Variants in SOAT1 observed in about 807,000 individuals in gnomAD.
The protein encoded by SOAT1 is acyl-coenzyme A:cholesterol acyltransferase 1.
SOAT1 carries 55 observed loss-of-function variants against 69.5 expected under a neutral mutation model. The ratio of observed to expected loss-of-function variants is 0.79; its 90% confidence interval spans 0.64 to 0.99. SOAT1 has a LOEUF of 0.99. SOAT1 is among the 50% of genes least tolerant of loss of function. The pLI is 0.00. For synonymous variants in SOAT1, 231 were observed against 224.7 expected (o/e 1.03, Z -0.25); for missense variants, 580 against 669.3 (o/e 0.87, Z 1.47).
intron 2 of SOAT1, among the ~76,000 whole-genome samples, chr1:179,312,373 C>T (rs1020695823): frequency 2.0e-5 from 3 of 152,088 alleles, no homozygotes; most frequent in African/African-American, 4.8e-5. Flanking sequence ...TTAGTAAGTC[C>T]GTGCTGGTTA....
chr1:179,320,053 A>G (rs1665542090), intron 2 of SOAT1, among the ~76,000 whole-genome samples: 1 of 152,202 alleles, frequency 6.6e-6, no homozygotes. Context: ...TTTGTAGCAC[A>G]AAAGTGACTT....
intron 3 of SOAT1, among the ~76,000 whole-genome samples, chr1:179,324,456 T>C (rs1442780280): frequency 2.6e-5 from 4 of 152,248 alleles, no homozygotes; most frequent in Admixed American, 2.6e-4. Context: ...CCTCCTTCCA[T>C]CATCCTGTAG....
Position 179,323,483 on chromosome 1 carries a change from A to AGCAGAG in SOAT1, c.175_177+3dup. ...TGATAGCAAAGAAGATAAAGTTGACAGCAGAGGCAGAGGCAAGTAACTCCC... is the reference window on the plus strand; with the variant it reads ...TGATAGCAAAGAAGATAAAGTTGACAGCAGAGGCAGAGGCAGAGGCAAGTAACTCCC... On this transcript the variant is annotated inframe_insertion, in exon 3 of 16. Coordinates refer to ENST00000367619, the MANE Select transcript of SOAT1 (RefSeq NM_003101.6). 1.9e-6 allele frequency: 3 copies of AGCAGAG among 1,613,806 alleles called. No individual in the cohort carries two copies. The highest frequency in any genetic ancestry group is 2.5e-6 in the Non-Finnish European group (3 of 1,179,864).
chr1:179,334,497 T>A (rs1177833364), intron 3 of SOAT1, among the ~76,000 whole-genome samples: 3 of 152,244 alleles, frequency 2.0e-5, no homozygotes, highest in East Asian at 1.9e-4. Context: ...AGTCAAGAAC[T>A]TTGTGAAATT....
intron 3 of SOAT1, among the ~76,000 whole-genome samples, chr1:179,328,747 A>C (rs913874374): frequency 1.3e-5 from 2 of 152,194 alleles, no homozygotes; most frequent in South Asian, 4.1e-4. Context: ...TCTCCTTCTT[A>C]AAAATACATT....
intron 4 of SOAT1, among the ~76,000 whole-genome samples, chr1:179,337,129 T>G (rs769429541): frequency 6.6e-6 from 1 of 152,232 alleles, no homozygotes; most frequent in Non-Finnish European, 1.5e-5. Flanking sequence ...TATCAAAGGC[T>G]AATATGTGTT....
chr1:179,311,471 C>T (rs1000809426), intron 2 of SOAT1, among the ~76,000 whole-genome samples: 5 of 151,914 alleles, frequency 3.3e-5, no homozygotes, highest in African/African-American at 1.2e-4. Context: ...TATTGGCTAG[C>T]AAGAAAACAA....
intron 3 of SOAT1, among the ~76,000 whole-genome samples, chr1:179,329,112 T>C (rs1029282140): frequency 6.6e-6 from 1 of 151,950 alleles, no homozygotes; most frequent in Non-Finnish European, 1.5e-5. Context: ...TCAAATATTG[T>C]TTTTTCACAT....
intron 13 of SOAT1, among the ~76,000 whole-genome samples, chr1:179,349,266 GC>G (rs1666639933): frequency 6.6e-6 from 1 of 151,270 alleles, no homozygotes; most frequent in South Asian, 2.1e-4. Flanking sequence ...GAGTCTTGTT[GC>G]CAACAAATAA....
chr1:179,333,157 G>T (rs1014288695), intron 3 of SOAT1, among the ~76,000 whole-genome samples: 4 of 152,110 alleles, frequency 2.6e-5, no homozygotes, highest in African/African-American at 9.7e-5. Context: ...TTCCTCATAG[G>T]TTAGCTCAGA....
intron 6 of SOAT1, 133 bp from the exon 7 acceptor site, chr1:179,340,895 A>G: frequency 1.4e-6 from 1 of 704,382 alleles, no homozygotes; most frequent in Non-Finnish European, 2.4e-6. Flanking sequence ...TATTACATCC[A>G]TGACTTCAGC....
At chr1:179,326,561 T>C (rs1350543917) in intron 3 of SOAT1, among the ~76,000 whole-genome samples, 1 of 36,652 alleles carries the variant, frequency 2.7e-5, no homozygotes, top group African/African-American at 6.6e-5. Context: ...TTTTTTTTTT[T>C]TTTTTTTTTT....
rs1553248878 is a variant in SOAT1, at chr1:179,353,209, A to ATATATATATATTTTTCCAGAAGTATT, written c.1597-365_1597-364insTTTTCCAGAAGTATTTATATATATAT. On this transcript the variant is annotated intron_variant, in intron 15 of 15. Transcript: ENST00000367619. ...AAATCTAAATGGTGGTTATATATAA[A>ATATATATATATTTTTCCAGAAGTATT]TATATATATATATATCTATTTGTCG... Among the ~76,000 whole-genome samples the ATATATATATATTTTTCCAGAAGTATT allele has an allele frequency of 3.6e-5, 2 of 55,508 alleles. 1 individual carries two copies. The highest frequency in any genetic ancestry group is 1.4e-4 in the African/African-American group (2 of 13,820). The allele number at this position is 55,508 out of a possible 152,430, so 36.4% of individuals were successfully genotyped here.
intron 14 of SOAT1, 31 bp from the exon 15 acceptor site, chr1:179,351,286 G>C (rs1184597343): frequency 1.2e-6 from 2 of 1,606,264 alleles, no homozygotes; most frequent in East Asian, 4.5e-5. Flanking sequence ...TCTGATAACT[G>C]TATATTTCTT....
Position 179,350,361 on chromosome 1 carries a change from C to T in SOAT1, c.1380C>T (p.His460=), listed in dbSNP as rs754865971. 14 of 1,613,844 alleles carry T rather than the reference C, an allele frequency of 8.7e-6. No individual in the cohort carries two copies. The highest frequency in any genetic ancestry group is 1.6e-4 in the Middle Eastern group (1 of 6,082). Residue 460 remains histidine (H), a synonymous_variant, in exon 14 of 16, where the codon CAC becomes CAT. Coordinates refer to ENST00000367619, the MANE Select transcript of SOAT1 (RefSeq NM_003101.6). ...TCTTTGCTGTATCTGCTGTAGTACA[C>T]GAATATGCCTTGGCTGTTTGCTTGA... is the stretch of plus-strand genomic sequence containing the variant. ...LAVFAVSAVV[H]EYALAVCLSF...
At chr1:179,328,990 G>A (rs953645379) in intron 3 of SOAT1, among the ~76,000 whole-genome samples, 5 of 149,894 alleles carry the variant, frequency 3.3e-5, no homozygotes, top group Admixed American at 2.0e-4. Flanking sequence ...AGGTTGCAAT[G>A]AGCTGAGATG....
At chr1:179,333,321 C>G (rs1666032185) in intron 3 of SOAT1, among the ~76,000 whole-genome samples, 2 of 151,898 alleles carry the variant, frequency 1.3e-5, no homozygotes, top group South Asian at 4.1e-4. Context: ...GGGAAAACAC[C>G]TGTACAACCT....
intron 2 of SOAT1, among the ~76,000 whole-genome samples, chr1:179,307,744 A>G (rs1665056525): frequency 6.6e-6 from 1 of 151,912 alleles, no homozygotes; most frequent in Non-Finnish European, 1.5e-5. Flanking sequence ...GATAGCAAAT[A>G]TGAAAGCACT....
At position 179,344,352 on chromosome 1, in the gene SOAT1, G is replaced by GTTTTTTTTTTTTTTTTTT. The variant is rs762911049; in HGVS notation, c.988-595_988-594insTTTTTTTTTTTTTTTTTT. On this transcript the variant is annotated intron_variant, in intron 10 of 15. Transcript: ENST00000367619. ...TATGAAGTAAGTTCTTTCATTAAGG[G>GTTTTTTTTTTTTTTTTTT]GTTTTTTTTTTTTTTTTTTTTTTTT... Among the ~76,000 whole-genome samples the GTTTTTTTTTTTTTTTTTT allele has an allele frequency of 1.1e-4, 13 of 120,560 alleles. 5 individuals are homozygous for GTTTTTTTTTTTTTTTTTT. Among genetic ancestry groups the GTTTTTTTTTTTTTTTTTT allele is most frequent in the Middle Eastern group, 8.8e-3 (2 of 228 alleles). 79.1% of individuals were successfully genotyped at this position (120,560 alleles called of 152,430 possible). A position where few individuals can be genotyped will look rare whatever the true frequency, so the allele number is the denominator to read the frequency against.
Sources: allele counts gnomAD v4.1 joint callset (sites outside exome capture counted in the v4.1 genomes callset), GRCh38; gene constraint gnomAD v4.1.1; transcripts MANE v1.5; gene names NCBI Gene and HGNC (gene_info 2026-07-23, HGNC 2026-07-21).